EEA1: variants seen among roughly 807,000 people sequenced by gnomAD.
The protein encoded by EEA1 is early endosome antigen 1, also known as early endosome antigen 1, 162kD.
Under a neutral mutation model 209.2 loss-of-function variants are expected in EEA1, and 111 were observed. The ratio of observed to expected loss-of-function variants is 0.53; its 90% CI spans 0.45 to 0.62. The LOEUF is 0.62. EEA1 is among the 20% of genes least tolerant of loss of function. EEA1 has a pLI of 0.00. For missense variants in EEA1, 1,343 were observed against 1,530.8 expected (o/e 0.88, Z 2.05); for synonymous variants, 536 against 540.6 (o/e 0.99, Z 0.12).
chr12:92,825,643 A>G (rs967326010), intron 13 of EEA1, among the ~76,000 whole-genome samples: 10 of 151,942 alleles, frequency 6.6e-5, no homozygotes, highest in South Asian at 2.1e-4. Context: ...TGTTCAGATT[A>G]TGGTTATAAA....
Position 92,771,733 on chromosome 12 carries a change from T to A in EEA1, c.*4278A>T, listed in dbSNP as rs1013862304. 1.3e-5 allele frequency: 2 copies of A among 152,024 alleles called. No homozygotes were observed. The highest frequency in any genetic ancestry group is 2.9e-5 in the Non-Finnish European group (2 of 67,926). 9.4% of individuals were successfully genotyped at this position (152,024 alleles called of 1,614,324 possible). A position where few individuals can be genotyped will look rare whatever the true frequency, so the allele number is the denominator to read the frequency against. On this transcript the variant is annotated 3_prime_UTR_variant, in exon 29 of 29. Transcript: ENST00000322349. The stretch of plus-strand genomic sequence containing the variant: ...CAATCATCTTGCAAATGTTTAGATA[T>A]AAACTAACCTCGGAGGTGAGCAGTG...
rs765477354 is a variant in EEA1, at chr12:92,832,729, C to T, written c.1037G>A (p.Cys346Tyr). The T allele has an allele frequency of 2.5e-6, 4 of 1,613,976 alleles. No homozygotes were observed. Among genetic ancestry groups the T allele is most frequent in the East Asian group, 4.5e-5 (2 of 44,842 alleles). Residue 346 changes from cysteine to tyrosine, a missense_variant, in exon 11 of 29, where the codon TGT becomes TAT. Cys to Tyr is a radical substitution (Grantham distance 194). Transcript: ENST00000322349. ...AGACAATCTTGACTGAAGCTGTTGA[C>T]AATCTAGGTCTTTTTGATGAAGGGT... ...QATLHQKDLD[C>Y]QQLQSRLSAS...
At chr12:92,853,177 T>A in intron 6 of EEA1, 152 bp from the exon 7 acceptor site, 1 of 510,850 alleles carries the variant, frequency 2.0e-6, no homozygotes, top group South Asian at 3.4e-5. Flanking sequence ...ATTAAGTATA[T>A]CTGCTTCACT....
chr12:92,874,154 A>C (rs1346550090), intron 2 of EEA1, among the ~76,000 whole-genome samples: 1 of 151,584 alleles, frequency 6.6e-6, no homozygotes, highest in Non-Finnish European at 1.5e-5. Context: ...CTCTACAAAA[A>C]ATACAAAAAA....
At chr12:92,826,081 T>C (rs1256803557) in intron 13 of EEA1, 85 bp downstream of exon 13, 2 of 1,382,358 alleles carry the variant, frequency 1.4e-6, no homozygotes, top group East Asian at 5.0e-5. Flanking sequence ...ATGATTTGGA[T>C]TAATTAATTT....
At chr12:92,851,339 A>T in intron 8 of EEA1, 73 bp from the exon 9 acceptor site, 1 of 1,397,560 alleles carries the variant, frequency 7.2e-7, no homozygotes. Context: ...GAATCATTTC[A>T]CTACAAAGGA....
chr12:92,841,637 G>A (rs1437059069), intron 10 of EEA1, among the ~76,000 whole-genome samples: 3 of 152,216 alleles, frequency 2.0e-5, no homozygotes, highest in South Asian at 2.1e-4. Context: ...GTTCAACAAC[G>A]TAGTCATTAG....
intron 13 of EEA1, 136 bp from the exon 14 acceptor site, chr12:92,819,647 T>G: frequency 1.8e-6 from 1 of 559,710 alleles, no homozygotes; most frequent in Non-Finnish European, 3.0e-6. Flanking sequence ...CATTTCAATA[T>G]GGTAAATTTA....
chr12:92,912,688 AT>A (rs1880621725), intron 1 of EEA1, among the ~76,000 whole-genome samples: 1 of 151,972 alleles, frequency 6.6e-6, no homozygotes, highest in Non-Finnish European at 1.5e-5. Context: ...AGAATAGGTA[AT>A]TTTTCATCCC....
intron 2 of EEA1, among the ~76,000 whole-genome samples, chr12:92,880,162 C>A (rs1221996616): frequency 6.6e-6 from 1 of 152,242 alleles, no homozygotes; most frequent in Non-Finnish European, 1.5e-5. Context: ...TCACGTGTTA[C>A]ATGTTCAGCC....
intron 1 of EEA1, among the ~76,000 whole-genome samples, chr12:92,891,946 C>G (rs1879670587): frequency 6.6e-6 from 1 of 152,166 alleles, no homozygotes; most frequent in Non-Finnish European, 1.5e-5. Context: ...ATGTATACAA[C>G]ACTTTACAAA....
At chr12:92,795,916 G>A (rs1220449074) in intron 21 of EEA1, among the ~76,000 whole-genome samples, 1 of 151,930 alleles carries the variant, frequency 6.6e-6, no homozygotes, top group African/African-American at 2.4e-5. Flanking sequence ...TCTCTGTGAA[G>A]TCTCAATAAT....
chr12:92,788,040 C>A lies in EEA1; in HGVS notation c.2977G>T (p.Glu993Ter). ...KIAVLQKTEL[E>*]NKLQQQLTQA... Reference sequence around the variant, plus strand: ...GTTAACTGCTGCTGTAGTTTATTCTCAAGCTCTGTCTGAAACATACAATAG... The same window carrying A: ...GTTAACTGCTGCTGTAGTTTATTCTAAAGCTCTGTCTGAAACATACAATAG... The change falls in exon 22 of 29, where the codon GAG becomes TAG. Residue 993 changes from glutamate (E) to a stop codon, truncating the protein, a stop_gained. Coordinates refer to ENST00000322349, the MANE Select transcript of EEA1 (RefSeq NM_003566.4). LOFTEE classifies it high-confidence loss of function. The A allele has an allele frequency of 6.3e-7, 1 of 1,598,086 alleles. No homozygotes were observed. Among genetic ancestry groups the A allele is most frequent in the South Asian group, 1.1e-5 (1 of 87,988 alleles).
At chr12:92,838,688 C>T (rs1461745364) in intron 10 of EEA1, among the ~76,000 whole-genome samples, 2 of 152,116 alleles carry the variant, frequency 1.3e-5, no homozygotes, top group African/African-American at 2.4e-5. Context: ...GTCTGCCCTA[C>T]AGGACAGGAA....
chr12:92,818,243 G>A (rs1346477578), intron 14 of EEA1, among the ~76,000 whole-genome samples: 1 of 152,064 alleles, frequency 6.6e-6, no homozygotes, highest in Non-Finnish European at 1.5e-5. Context: ...AAGACCACCA[G>A]GCTTTCCTTA....
chr12:92,813,491 A>G (rs1875622818), intron 15 of EEA1, among the ~76,000 whole-genome samples: 2 of 152,242 alleles, frequency 1.3e-5, no homozygotes. Context: ...CAAGAATTAC[A>G]GAATTCAATG....
intron 9 of EEA1, among the ~76,000 whole-genome samples, chr12:92,845,863 T>C (rs1263614666): frequency 6.6e-6 from 1 of 152,152 alleles, no homozygotes; most frequent in Non-Finnish European, 1.5e-5. Context: ...AAAGACTCAC[T>C]AAAGGAATGA....
chr12:92,832,657 T>G lies in EEA1; in HGVS notation c.1109A>C (p.Lys370Thr), dbSNP rs1475574797. Residue 370 changes from lysine to threonine, a missense_variant, in exon 11 of 29, where the codon AAA (lysine) becomes ACA (threonine). Around this residue, in one of 3 missense-constraint regions of EEA1, gnomAD observed 1,307 missense variants for 1,465.5 expected, o/e 0.89. Transcript: ENST00000322349. ...LHRIHVELSE[K>T]GEATQKLKEE... Reference sequence around the variant, plus strand: ...TTTGAGCTTTTGAGTAGCTTCTCCTTTTTCACTTAGTTCTACATGTATTCT... The same window carrying G: ...TTTGAGCTTTTGAGTAGCTTCTCCTGTTTCACTTAGTTCTACATGTATTCT... The G allele has an allele frequency of 5.6e-6, 9 of 1,613,894 alleles. No individual in the cohort carries two copies. Among genetic ancestry groups the G allele is most frequent in the Non-Finnish European group, 7.6e-6 (9 of 1,179,988 alleles).
At chr12:92,820,404 C>A (rs1157992411) in intron 13 of EEA1, among the ~76,000 whole-genome samples, 1 of 152,070 alleles carries the variant, frequency 6.6e-6, no homozygotes, top group African/African-American at 2.4e-5. Context: ...AAGCATACTT[C>A]TCATCCTTCT....
Sources: gnomAD v4.1 joint callset for allele counts (sites outside exome capture counted in the v4.1 genomes callset) on GRCh38, gnomAD v4.1.1 for gene constraint, gnomAD v4.1.1 regional missense constraint, MANE v1.5 for transcripts, NCBI Gene and HGNC (gene_info 2026-07-23, HGNC 2026-07-21) for gene names.